SCFD2: variants seen among roughly 807,000 people sequenced by gnomAD.
SCFD2 encodes the protein sec1 family domain-containing protein 2.
Under a neutral mutation model 58.9 loss-of-function variants are expected in SCFD2, and 54 were observed. That is an observed-to-expected ratio of 0.92 (90% CI 0.74 to 1.15). The LOEUF is 1.15. Among genes scored for constraint, SCFD2 ranks in the 50% most tolerant of loss-of-function variants. SCFD2 has a pLI of 0.00. For missense variants in SCFD2, 805 were observed against 836.6 expected (o/e 0.96, Z 0.47); for synonymous variants, 321 against 335.9 (o/e 0.96, Z 0.49).
chr4:53,245,733 C>G (rs2149030187), intron 4 of SCFD2, among the ~76,000 whole-genome samples: 1 of 152,286 alleles, frequency 6.6e-6, no homozygotes, highest in East Asian at 1.9e-4. Context: ...TGCCAAATCA[C>G]AGCTAACATC....
intron 5 of SCFD2, among the ~76,000 whole-genome samples, chr4:53,134,943 A>G (rs1725893709): frequency 6.6e-6 from 1 of 152,168 alleles, no homozygotes; most frequent in African/African-American, 2.4e-5. Flanking sequence ...TTTCTGTTCA[A>G]TAGACAGAGT....
rs547297509 is a variant in SCFD2 at position 53,302,779 on chromosome 4, C to A, written c.1135+10857G>T. 5.3e-5 allele frequency among the ~76,000 whole-genome samples: 8 copies of A among 152,112 alleles called. No individual in the cohort carries two copies. The South Asian group carries it at 1.5e-3, about 28-fold the overall frequency. The stretch of plus-strand genomic sequence containing the variant: ...TATAGACCAATGGAACAGAACAGAG[C>A]CCTCAGAAATAATGCTGCATATCTA... On this transcript the variant is annotated intron_variant, in intron 3 of 8. Coordinates refer to ENST00000401642, the MANE Select transcript of SCFD2 (RefSeq NM_152540.4).
At chr4:52,900,289 C>G (rs1331744101) in intron 7 of SCFD2, among the ~76,000 whole-genome samples, 1 of 152,058 alleles carries the variant, frequency 6.6e-6, no homozygotes, top group Non-Finnish European at 1.5e-5. Flanking sequence ...TTTTATCTAC[C>G]TTTGGTCTTT....
At chr4:53,250,171 C>G (rs1304518076) in intron 4 of SCFD2, among the ~76,000 whole-genome samples, 1 of 152,180 alleles carries the variant, frequency 6.6e-6, no homozygotes. Flanking sequence ...ATAAAACAGA[C>G]TTTAAACCAA....
intron 5 of SCFD2, among the ~76,000 whole-genome samples, chr4:53,067,938 G>C (rs532391401): frequency 6.6e-6 from 1 of 152,184 alleles, no homozygotes; most frequent in East Asian, 1.9e-4. Flanking sequence ...GCTAGGAGGA[G>C]CCAGCCAGAA....
chr4:52,989,870 T>G (rs1163161964), intron 5 of SCFD2, among the ~76,000 whole-genome samples: 3 of 152,200 alleles, frequency 2.0e-5, no homozygotes, highest in Admixed American at 2.0e-4. Context: ...GTCCTGCTGT[T>G]CACCTCTCTT....
At chr4:53,157,546 A>T (rs1726727578) in intron 4 of SCFD2, among the ~76,000 whole-genome samples, 1 of 152,186 alleles carries the variant, frequency 6.6e-6, no homozygotes, top group African/African-American at 2.4e-5. Context: ...CAAACATAAG[A>T]ATCCAGCTGT....
At chr4:52,885,692 C>T (rs1560469754) in intron 8 of SCFD2, 55 bp downstream of exon 8, 1 of 1,605,410 alleles carries the variant, frequency 6.2e-7, no homozygotes, top group East Asian at 2.2e-5. Flanking sequence ...GGCCCTCACC[C>T]ACCCTTCACA....
At position 53,050,295 on chromosome 4, in the gene SCFD2, A is replaced by G. The variant is rs192531176; in HGVS notation, c.1561+95038T>C. 4.5e-4 allele frequency among the ~76,000 whole-genome samples: 69 copies of G among 152,342 alleles called. No individual in the cohort carries two copies. In the East Asian group the frequency reaches 0.012, roughly 26 times the overall value. ...ATTAGACATTTTCAAAATGGCACAA[A>G]AGGCAGTCATGAGCACTGCTTTCTA... On this transcript the variant is annotated intron_variant, in intron 5 of 8. Coordinates refer to ENST00000401642, the MANE Select transcript of SCFD2 (RefSeq NM_152540.4).
At chr4:53,257,702 C>T (rs1222000529) in intron 4 of SCFD2, among the ~76,000 whole-genome samples, 1 of 152,104 alleles carries the variant, frequency 6.6e-6, no homozygotes, top group Non-Finnish European at 1.5e-5. Context: ...AAAATCTCTT[C>T]CTAATGTGTA....
chr4:52,895,936 GT>G (rs1446882429), intron 7 of SCFD2, among the ~76,000 whole-genome samples: 3 of 152,138 alleles, frequency 2.0e-5, no homozygotes, highest in Admixed American at 1.3e-4. Context: ...TTTTTCATGT[GT>G]TTTTTGGCTG....
chr4:53,173,582 A>G (rs1279732650), intron 4 of SCFD2, among the ~76,000 whole-genome samples: 1 of 152,166 alleles, frequency 6.6e-6, no homozygotes, highest in African/African-American at 2.4e-5. Flanking sequence ...TTACATTCAA[A>G]GTAATTATTA....
At chr4:53,213,525 G>T (rs1728693134) in intron 4 of SCFD2, among the ~76,000 whole-genome samples, 1 of 152,096 alleles carries the variant, frequency 6.6e-6, no homozygotes, top group African/African-American at 2.4e-5. Context: ...AGCTCTTCAT[G>T]CTAGTTCAAG....
At chr4:53,016,210 C>T (rs775449733) in intron 5 of SCFD2, among the ~76,000 whole-genome samples, 6 of 152,320 alleles carry the variant, frequency 3.9e-5, no homozygotes, top group Middle Eastern at 3.4e-3. Context: ...TTTGAAAGGA[C>T]ACGCTGCTGG....
intron 4 of SCFD2, among the ~76,000 whole-genome samples, chr4:53,185,314 G>A (rs1480646573): frequency 2.6e-5 from 4 of 151,978 alleles, no homozygotes; most frequent in Admixed American, 6.6e-5. Context: ...AACCAAGAAT[G>A]GCACCCTTGA....
chr4:53,194,310 T>A (rs1484501702), intron 4 of SCFD2, among the ~76,000 whole-genome samples: 1 of 152,178 alleles, frequency 6.6e-6, no homozygotes, highest in Non-Finnish European at 1.5e-5. Context: ...CTATGTTAGC[T>A]TATACCTCTG....
At chr4:52,894,708 C>T (rs1302459307) in intron 7 of SCFD2, among the ~76,000 whole-genome samples, 5 of 152,166 alleles carry the variant, frequency 3.3e-5, no homozygotes, top group Non-Finnish European at 5.9e-5. Context: ...AAGCTGACAG[C>T]TTTGTGTGGC....
In SCFD2 at chr4:53,212,150, G is replaced by A. The variant is rs372139676; in HGVS notation, c.1311+61676C>T. ...ATGGCACCTCTATTCCTTCTGCTGG[G>A]GAAAAATAAATCAGAACTTAATAGA... On this transcript the variant is annotated intron_variant, in intron 4 of 8. Coordinates refer to ENST00000401642, the MANE Select transcript of SCFD2 (RefSeq NM_152540.4). Among the ~76,000 whole-genome samples the A allele has an allele frequency of 7.9e-5, 12 of 152,098 alleles. No homozygotes were observed. The East Asian group carries it at 1.2e-3, about 15-fold the overall frequency.
At chr4:53,294,738 G>A (rs1731962935) in intron 3 of SCFD2, among the ~76,000 whole-genome samples, 1 of 152,146 alleles carries the variant, frequency 6.6e-6, no homozygotes, top group Admixed American at 6.5e-5. Context: ...GAATGGTATT[G>A]CCTAGGTTTT....
Sources: allele counts gnomAD v4.1 joint callset (sites outside exome capture counted in the v4.1 genomes callset), GRCh38; gene constraint gnomAD v4.1.1; transcripts MANE v1.5; gene names NCBI Gene and HGNC (gene_info 2026-07-23, HGNC 2026-07-21).